POPDC1: variants seen among roughly 807,000 people sequenced by gnomAD.
The protein encoded by POPDC1 is popeye domain-containing protein 1.
chr6:105,133,420 G>A, the POPDC1 span: 1 of 1,613,822 alleles, frequency 6.2e-7, no homozygotes, highest in East Asian at 2.2e-5. Context: ...CAACCCAACT[G>A]CAAAACAAAT....
the POPDC1 span, chr6:105,100,454 G>C: frequency 6.6e-6 from 1 of 151,598 alleles, no homozygotes; most frequent in Admixed American, 6.6e-5. Context: ...AGTTTGCAGT[G>C]AGCTGAGAAT....
the POPDC1 span, among the ~76,000 whole-genome samples, chr6:105,128,885 G>GAAAAGAA: frequency 1.3e-5 from 2 of 151,836 alleles, no homozygotes; most frequent in Non-Finnish European, 2.9e-5. Flanking sequence ...AATCAGAGTT[G>GAAAAGAA]AAAAGAAAAA....
chr6:105,126,833 T>C, the POPDC1 span, among the ~76,000 whole-genome samples: 3 of 152,020 alleles, frequency 2.0e-5, no homozygotes, highest in Non-Finnish European at 4.4e-5. Context: ...TCAAGTAAAG[T>C]GAAGGAAAAA....
chr6:105,107,861 A>AT, the POPDC1 span, among the ~76,000 whole-genome samples: 3 of 151,850 alleles, frequency 2.0e-5, no homozygotes, highest in Non-Finnish European at 2.9e-5. Context: ...ATATCCTAAG[A>AT]TTTTTTTTAA....
chr6:105,119,905 A>G, the POPDC1 span, among the ~76,000 whole-genome samples: 2 of 152,218 alleles, frequency 1.3e-5, no homozygotes, highest in African/African-American at 2.4e-5. Context: ...TGAATATAAA[A>G]TAATAGTATT....
chr6:105,115,658 G>T, the POPDC1 span: 3 of 1,613,222 alleles, frequency 1.9e-6, no homozygotes, highest in East Asian at 6.7e-5. Context: ...CAGAACTCTG[G>T]AGTAGTATCA....
the POPDC1 span, chr6:105,116,785 G>A: frequency 2.5e-6 from 4 of 1,612,560 alleles, no homozygotes; most frequent in Non-Finnish European, 3.4e-6. Flanking sequence ...TTTCATACAA[G>A]AAAGGTTCTG....
chr6:105,133,577 T>C, the POPDC1 span: 5 of 1,568,556 alleles, frequency 3.2e-6, no homozygotes, highest in Admixed American at 2.0e-5. Flanking sequence ...GTATAATTCA[T>C]TTTGAAAATT....
chr6:105,121,267 T>C, the POPDC1 span, among the ~76,000 whole-genome samples: 1 of 150,044 alleles, frequency 6.7e-6, no homozygotes, highest in Non-Finnish European at 1.5e-5. Context: ...ACTACTTTTA[T>C]CTTTTTTTTT....
At chr6:105,132,178 C>T in the POPDC1 span, among the ~76,000 whole-genome samples, 1 of 152,140 alleles carries the variant, frequency 6.6e-6, no homozygotes, top group East Asian at 1.9e-4. Context: ...GTTGGCCAAG[C>T]TGGTCTCGAA....
the POPDC1 span, among the ~76,000 whole-genome samples, chr6:105,123,009 G>A: frequency 1.3e-5 from 2 of 152,302 alleles, no homozygotes; most frequent in East Asian, 1.9e-4. Context: ...TGAAACCACC[G>A]TAAATGATAA....
the POPDC1 span, among the ~76,000 whole-genome samples, chr6:105,121,898 G>A: frequency 6.6e-6 from 1 of 152,120 alleles, no homozygotes; most frequent in East Asian, 1.9e-4. Context: ...GATCCTCATC[G>A]AACATGTTTA....
chr6:105,126,228 A>G, the POPDC1 span, among the ~76,000 whole-genome samples: 1 of 151,188 alleles, frequency 6.6e-6, no homozygotes, highest in Non-Finnish European at 1.5e-5. Flanking sequence ...CTCGGTATCA[A>G]AAAAAAATAA....
chr6:105,109,645 G>A, the POPDC1 span, among the ~76,000 whole-genome samples: 1 of 151,354 alleles, frequency 6.6e-6, no homozygotes, highest in South Asian at 2.1e-4. Context: ...GGCTGAGGCG[G>A]GAGGACATCT....
At chr6:105,127,345 A>C in the POPDC1 span, among the ~76,000 whole-genome samples, 1 of 152,324 alleles carries the variant, frequency 6.6e-6, no homozygotes, top group East Asian at 1.9e-4. Context: ...TCTGACATTC[A>C]GAAAATGCAA....
the POPDC1 span, among the ~76,000 whole-genome samples, chr6:105,103,333 T>C: frequency 2.6e-5 from 4 of 152,232 alleles, no homozygotes; most frequent in African/African-American, 4.8e-5. Context: ...TGGAAGGCTA[T>C]GGACTTAATA....
chr6:105,114,593 T>C, the POPDC1 span, among the ~76,000 whole-genome samples: 1 of 152,254 alleles, frequency 6.6e-6, no homozygotes, highest in Non-Finnish European at 1.5e-5. Context: ...ATTCATGCAA[T>C]GGAAGAATGT....
At chr6:105,129,606 T>C in the POPDC1 span, 1 of 1,180,866 alleles carries the variant, frequency 8.5e-7, no homozygotes, top group Non-Finnish European at 1.2e-6. Flanking sequence ...CTCCCTTTTC[T>C]GAAGGTGATA....
chr6:105,114,291 A>C, the POPDC1 span, among the ~76,000 whole-genome samples: 3 of 152,216 alleles, frequency 2.0e-5, no homozygotes, highest in Non-Finnish European at 2.9e-5. Context: ...AACTTGTATT[A>C]AATTTGTATC....
Sources: gnomAD v4.1 joint callset for allele counts (sites outside exome capture counted in the v4.1 genomes callset) on GRCh38, gnomAD v4.1.1 for gene constraint, MANE v1.5 for transcripts, NCBI Gene and HGNC (gene_info 2026-07-23, HGNC 2026-07-21) for gene names.